Variants in CNNM1 observed in about 807,000 individuals in gnomAD.
CNNM1 encodes cyclin and CBS domain divalent metal cation transport mediator 1, also known as metal transporter CNNM1.
A neutral mutation model predicts 78.8 loss-of-function variants in CNNM1; 44 were observed. The ratio of observed to expected loss-of-function variants is 0.56; its 90% CI spans 0.44 to 0.72. The LOEUF (loss-of-function observed/expected upper bound fraction) is 0.72, where lower values mean the gene tolerates loss of function less well. CNNM1 is among the 30% of genes least tolerant of loss of function. The pLI, the probability that CNNM1 is intolerant of heterozygous loss-of-function variation, is 0.00. For missense variants in CNNM1, 1,101 were observed against 1,292.2 expected, an observed-to-expected ratio of 0.85 and a Z score of 2.27; for synonymous variants, 584 against 581.5, an observed-to-expected ratio of 1.00 and a Z score of -0.06.
At chr10:99,350,808 C>A (rs1029711979) in intron 1 of CNNM1, among the ~76,000 whole-genome samples, 1 of 152,264 alleles carries the variant, frequency 6.6e-6, no homozygotes, top group South Asian at 2.1e-4. Flanking sequence ...CCCCACCCCC[C>A]TAATAGGCCA....
At chr10:99,347,396 C>G (rs2030740757) in intron 1 of CNNM1, among the ~76,000 whole-genome samples, 1 of 151,898 alleles carries the variant, frequency 6.6e-6, no homozygotes, top group South Asian at 2.1e-4. Context: ...TGGCAGGCAC[C>G]TGTAATCTTA....
At chr10:99,372,492 CT>C (rs1320832399) in intron 6 of CNNM1, among the ~76,000 whole-genome samples, 1 of 152,188 alleles carries the variant, frequency 6.6e-6, no homozygotes, top group Non-Finnish European at 1.5e-5. Flanking sequence ...ACATATCATA[CT>C]GTTTGATCTG....
rs371594395 is a variant in CNNM1, at chr10:99,364,038, C to G, written c.2029-379C>G. On this transcript the variant is annotated intron_variant, in intron 4 of 10. Transcript: ENST00000356713. ...GATTACAGGTGTGAGCCACCGCACT[C>G]GGCCTAGATTTTATCTTGACCTGAC... is the stretch of plus-strand genomic sequence containing the variant. Among the ~76,000 whole-genome samples the G allele has an allele frequency of 3.9e-5, 6 of 152,222 alleles. No individual in the cohort carries two copies. In the East Asian group the frequency reaches 7.7e-4, roughly 20 times the overall value.
chr10:99,366,354 C>A (rs2031618528), intron 6 of CNNM1, among the ~76,000 whole-genome samples: 1 of 151,688 alleles, frequency 6.6e-6, no homozygotes, highest in African/African-American at 2.4e-5. Context: ...TCCTGGGATT[C>A]TAATATGTTA....
intron 1 of CNNM1, among the ~76,000 whole-genome samples, chr10:99,334,882 G>A (rs2030103642): frequency 6.6e-6 from 1 of 152,178 alleles, no homozygotes; most frequent in South Asian, 2.1e-4. Context: ...ACCCTCCTGG[G>A]TAGATGTCAT....
rs1347376539 is a variant in CNNM1 at position 99,330,645 on chromosome 10, G to A, written c.1258G>A (p.Gly420Ser). 6 of 1,613,834 alleles carry A rather than the reference G, an allele frequency of 3.7e-6. No homozygotes were observed. Reference sequence around the variant, plus strand: ...GAAGGAGGAGCTCAACATCATACAGGGTGCCCTGGAGCTGCGCACCAAAGT... The same window carrying A: ...GAAGGAGGAGCTCAACATCATACAGAGTGCCCTGGAGCTGCGCACCAAAGT... The part of the protein sequence containing the change: ...LVKEELNIIQ[G>S]ALELRTKVVE... Residue 420 changes from glycine to serine, a missense_variant, in exon 1 of 11, where the codon GGT becomes AGT. By Grantham distance (56) the Gly-to-Ser change is moderately conservative (BLOSUM62 0). This residue lies in a region of CNNM1 where 277 missense variants were observed against 423.2 expected (regional missense o/e 0.65). Transcript: ENST00000356713.
At chr10:99,375,427 G>A (rs933453869) in intron 6 of CNNM1, among the ~76,000 whole-genome samples, 4 of 152,180 alleles carry the variant, frequency 2.6e-5, no homozygotes, top group African/African-American at 4.8e-5. Context: ...GGAGCGGCAG[G>A]AGTCAAGGAC....
At chr10:99,389,894 T>C (rs1231690009) in intron 9 of CNNM1, among the ~76,000 whole-genome samples, 1 of 152,186 alleles carries the variant, frequency 6.6e-6, no homozygotes, top group Non-Finnish European at 1.5e-5. Context: ...GGCATTGTTG[T>C]TGAACCCTGT....
chr10:99,329,874 C>G lies in CNNM1; in HGVS notation c.487C>G (p.Arg163Gly). 7.2e-7 allele frequency: 1 copy of G among 1,396,804 alleles called. No individual in the cohort carries two copies. Among genetic ancestry groups the G allele is most frequent in the Non-Finnish European group, 9.2e-7 (1 of 1,082,976 alleles). 86.5% of individuals were successfully genotyped at this position (1,396,804 alleles called of 1,614,324 possible). The change falls in exon 1 of 11, where the codon CGA becomes GGA. Residue 163 changes from arginine (R) to glycine (G), a missense_variant. Transcript: ENST00000356713. ...GVAGSALVQV[R>G]VRELRKGEAE... ...GGCAGGCTCGGCCCTGGTCCAGGTG[C>G]GAGTGCGGGAGCTGCGCAAGGGCGA...
At chr10:99,361,742 G>A (rs1386996778) in intron 3 of CNNM1, among the ~76,000 whole-genome samples, 8 of 152,248 alleles carry the variant, frequency 5.3e-5, no homozygotes, top group Admixed American at 3.3e-4. Context: ...TAAATATGAT[G>A]CAATGATGCC....
intron 1 of CNNM1, among the ~76,000 whole-genome samples, chr10:99,349,369 C>G (rs188977976): frequency 6.6e-6 from 1 of 151,736 alleles, no homozygotes; most frequent in Non-Finnish European, 1.5e-5. Context: ...AATCACGAGT[C>G]GGAGTCTTTA....
chr10:99,390,142 A>G (rs1430206731), intron 9 of CNNM1, among the ~76,000 whole-genome samples, 164 bp from the exon 10 acceptor site: 1 of 151,988 alleles, frequency 6.6e-6, no homozygotes, highest in Non-Finnish European at 1.5e-5. Context: ...CTAACTAATG[A>G]CACCCTGTAC....
intron 5 of CNNM1, 122 bp from the exon 6 acceptor site, chr10:99,364,833 A>G (rs1307609750): frequency 7.6e-6 from 7 of 923,626 alleles, no homozygotes; most frequent in Non-Finnish European, 1.1e-5. Flanking sequence ...CTACCCTTCC[A>G]TTTAATTGCC....
Position 99,329,776 on chromosome 10 carries a change from C to T in CNNM1, c.389C>T (p.Pro130Leu). 6.7e-7 allele frequency: 1 copy of T among 1,493,322 alleles called. No individual in the cohort carries two copies. The highest frequency in any genetic ancestry group is 8.9e-7 in the Non-Finnish European group (1 of 1,129,402). The allele number at this position is 1,493,322 out of a possible 1,614,324, so 92.5% of individuals were successfully genotyped here. ...GCGGTCCCCACTCGCCCCCCGGGAC[C>T]GCAGCGCTGCAGGGAGCAGAGCGAC... ...PSAVPTRPPG[P>L]QRCREQSDWA... The change falls in exon 1 of 11, where the codon CCG (proline) becomes CTG (leucine). Residue 130 changes from proline (P) to leucine (L), a missense_variant. Pro to Leu is a moderately conservative substitution (Grantham distance 98, BLOSUM62 -3). Transcript: ENST00000356713.
chr10:99,366,809 A>G (rs2031636071), intron 6 of CNNM1, among the ~76,000 whole-genome samples: 1 of 152,192 alleles, frequency 6.6e-6, no homozygotes, highest in Non-Finnish European at 1.5e-5. Flanking sequence ...AGTAGAAGGA[A>G]GATGTTATCT....
At position 99,391,459 on chromosome 10, in the gene CNNM1, A is replaced by C. The variant is rs781437479; in HGVS notation, c.2799A>C (p.Ser933=). 6.2e-7 allele frequency: 1 copy of C among 1,614,004 alleles called. No homozygotes were observed. The highest frequency in any genetic ancestry group is 8.5e-7 in the Non-Finnish European group (1 of 1,179,872). Residue 933 remains serine, a synonymous_variant, in exon 11 of 11, where the codon TCA becomes TCC. Transcript: ENST00000356713. Reference sequence around the variant, plus strand: ...CAGGTGGCCAAAAAAGGAAGAGGTCACCAGAAGGAGAGAGAACCTCTGAGG... The same window carrying C: ...CAGGTGGCCAAAAAAGGAAGAGGTCCCCAGAAGGAGAGAGAACCTCTGAGG... The part of the protein sequence containing the change: ...RTLSGQKRKR[S]PEGERTSEDN...
At chr10:99,350,121 G>T (rs1041331361) in intron 1 of CNNM1, among the ~76,000 whole-genome samples, 1 of 152,190 alleles carries the variant, frequency 6.6e-6, no homozygotes, top group African/African-American at 2.4e-5. Flanking sequence ...CCCAGGTAGT[G>T]TTCATGCTGC....
intron 1 of CNNM1, among the ~76,000 whole-genome samples, chr10:99,343,947 T>G (rs569847924): frequency 5.3e-5 from 8 of 150,514 alleles, no homozygotes; most frequent in East Asian, 2.1e-4. Context: ...GGTCTCGAAC[T>G]CCTGACCTCA....
chr10:99,382,747 G>T (rs764505095), intron 7 of CNNM1, among the ~76,000 whole-genome samples: 38 of 152,340 alleles, frequency 2.5e-4, no homozygotes, highest in Non-Finnish European at 5.0e-4. Flanking sequence ...AGCCTGCACA[G>T]CAGAGTGAGA....
Sources: allele counts gnomAD v4.1 joint callset (sites outside exome capture counted in the v4.1 genomes callset), GRCh38; gene constraint gnomAD v4.1.1; regional missense constraint gnomAD v4.1.1; transcripts MANE v1.5; gene names NCBI Gene and HGNC (gene_info 2026-07-23, HGNC 2026-07-21).